The following ANKRD18B variants were observed in gnomAD, a reference collection of about 807,000 sequenced individuals.
ANKRD18B encodes the protein ankyrin repeat domain 18B, also known as ankyrin repeat domain-containing protein 18B.
A neutral mutation model predicts 111.8 loss-of-function variants in ANKRD18B; 75 were observed. The observed-to-expected ratio is 0.67, with a 90% CI of 0.56 to 0.81. The LOEUF is 0.81. Ranked by LOEUF, ANKRD18B falls within the 40% of genes least tolerant of loss-of-function variation. ANKRD18B has a pLI of 0.00. For missense variants in ANKRD18B, 1,038 were observed against 1,225.5 expected (o/e 0.85, Z 2.28); for synonymous variants, 356 against 417.3 (o/e 0.85, Z 1.79).
intron 17 of ANKRD18B, among the ~76,000 whole-genome samples, chr9:33,570,464 A>AG (rs995219118): frequency 1.3e-4 from 19 of 151,768 alleles, no homozygotes; most frequent in Admixed American, 6.6e-5. Flanking sequence ...TAGAAAAAAA[A>AG]AAAGAAAACT....
intron 14 of ANKRD18B, among the ~76,000 whole-genome samples, chr9:33,562,039 C>T (rs572172956): frequency 6.6e-6 from 1 of 152,050 alleles, no homozygotes; most frequent in South Asian, 2.1e-4. Context: ...CAGCTTATAC[C>T]TTACTTACTC....
chr9:33,536,587 G>T (rs1231496940), intron 5 of ANKRD18B, among the ~76,000 whole-genome samples: 2 of 152,166 alleles, frequency 1.3e-5, no homozygotes. Flanking sequence ...AATACCTATT[G>T]GTTACAGAGC....
Position 33,568,760 on chromosome 9 carries a change from C to A in ANKRD18B, c.3044C>A (p.Pro1015Gln). Residue 1015 changes from proline (P) to glutamine (Q), a missense_variant, in exon 17 of 19, where the codon CCA becomes CAA. Transcript: ENST00000684830. Reference protein sequence around the residue: ...EYFLSTLPMRPDPELPCVENL... With the variant: ...EYFLSTLPMRQDPELPCVENL... ...TTTCTCAGCACTCTTCCTATGAGGC[C>A]AGACCCAGAGTTACCTTGTGTTGAA... 1 of 1,551,420 alleles carries A rather than the reference C, an allele frequency of 6.4e-7. No homozygotes were observed. The highest frequency in any genetic ancestry group is 8.7e-7 in the Non-Finnish European group (1 of 1,146,772).
intron 4 of ANKRD18B, chr9:33,533,749 C>G (rs1180328940): frequency 9.6e-7 from 1 of 1,036,720 alleles, no homozygotes; most frequent in Non-Finnish European, 1.3e-6. Context: ...GATTCATCTT[C>G]TCTTATAGAC....
intron 10 of ANKRD18B, among the ~76,000 whole-genome samples, chr9:33,546,978 A>T (rs1317174027): frequency 6.6e-6 from 1 of 152,118 alleles, no homozygotes; most frequent in East Asian, 1.9e-4. Context: ...CCTCTATTTC[A>T]GTGAGCACCT....
At chr9:33,545,559 GGTGTTTGGCAAGT>G (rs1828343019) in intron 10 of ANKRD18B, among the ~76,000 whole-genome samples, 1 of 152,202 alleles carries the variant, frequency 6.6e-6, no homozygotes, top group Admixed American at 6.5e-5. Flanking sequence ...AAGCTTAGAA[GGTGTTTGGCAAGT>G]GTGTTTCAGG....
Position 33,544,837 on chromosome 9 carries a change from C to CA in ANKRD18B, c.1149+1592dup, listed in dbSNP as rs947953415. Among the ~76,000 whole-genome samples the CA allele has an allele frequency of 5.0e-4, 75 of 149,034 alleles. No individual in the cohort carries two copies. The South Asian group carries it at 5.1e-3, about 10-fold the overall frequency. ...GGGCAACAAGAGTGAAAGTCCATCT[C>CA]AAAAAAAAAATTCATTACAAAAAAG... On this transcript the variant is annotated intron_variant, in intron 10 of 18. Coordinates refer to ENST00000684830, the MANE Select transcript of ANKRD18B (RefSeq NM_001393611.1).
At chr9:33,528,907 T>C in intron 2 of ANKRD18B, 66 bp downstream of exon 2, 4 of 1,561,586 alleles carry the variant, frequency 2.6e-6, no homozygotes, top group Non-Finnish European at 3.5e-6. Context: ...AATGAATTTG[T>C]CTCATTTAAA....
At chr9:33,551,036 C>A (rs1367021670) in intron 12 of ANKRD18B, among the ~76,000 whole-genome samples, 1 of 152,116 alleles carries the variant, frequency 6.6e-6, no homozygotes, top group Non-Finnish European at 1.5e-5. Flanking sequence ...TACAGAAAGG[C>A]CATCATACTG....
rs758035683 is a variant in ANKRD18B, at chr9:33,548,738, C to T, written c.1950C>T (p.Asp650=). 5 of 1,550,618 alleles carry T rather than the reference C, an allele frequency of 3.2e-6. No individual in the cohort carries two copies. The highest frequency in any genetic ancestry group is 1.4e-5 in the African/African-American group (1 of 72,890). ...AGATAGTCATTAATATCCACAGAGA[C>T]TGTCTTGAGAATGGAAAGGAAGATC... ...NKEIVINIHR[D]CLENGKEDLL... is the part of the protein sequence containing the mutation. Residue 650 remains aspartate (D), a synonymous_variant, in exon 11 of 19, where the codon GAC becomes GAT. Transcript: ENST00000684830.
intron 12 of ANKRD18B, among the ~76,000 whole-genome samples, chr9:33,554,947 C>A (rs559752515): frequency 1.3e-5 from 2 of 149,616 alleles, no homozygotes; most frequent in South Asian, 4.4e-4. Flanking sequence ...GCCAAGCAAC[C>A]CAGATGTCTG....
intron 17 of ANKRD18B, among the ~76,000 whole-genome samples, chr9:33,570,168 A>C (rs1425598992): frequency 1.3e-5 from 2 of 152,230 alleles, no homozygotes; most frequent in African/African-American, 2.4e-5. Flanking sequence ...ATACAGCTGG[A>C]ATCCACTATC....
intron 6 of ANKRD18B, among the ~76,000 whole-genome samples, chr9:33,537,327 T>C (rs1828216189): frequency 6.6e-6 from 1 of 152,080 alleles, no homozygotes; most frequent in Admixed American, 6.5e-5. Flanking sequence ...AGATTACATA[T>C]TTTTAATCAT....
At chr9:33,539,209 C>T in intron 6 of ANKRD18B, among the ~76,000 whole-genome samples, 1 of 152,044 alleles carries the variant, frequency 6.6e-6, no homozygotes, top group Non-Finnish European at 1.5e-5. Flanking sequence ...TATTTACTAC[C>T]TGAAATAGTG....
intron 6 of ANKRD18B, 122 bp from the exon 7 acceptor site, chr9:33,539,327 T>C (rs569848532): frequency 6.3e-6 from 1 of 159,870 alleles, no homozygotes; most frequent in East Asian, 1.9e-4. Flanking sequence ...ATGAATGCAG[T>C]CTTCTAAAAT....
intron 1 of ANKRD18B, among the ~76,000 whole-genome samples, chr9:33,525,021 C>T (rs1346042047): frequency 1.3e-5 from 2 of 151,808 alleles, no homozygotes; most frequent in African/African-American, 4.9e-5. Context: ...AACCCTGTGT[C>T]GGTTTTACAT....
chr9:33,549,858 G>C (rs10909570), intron 11 of ANKRD18B, among the ~76,000 whole-genome samples: 4 of 152,118 alleles, frequency 2.6e-5, no homozygotes, highest in African/African-American at 9.7e-5. Flanking sequence ...TGGGTAATTA[G>C]CTCATAATTT....
downstream of ANKRD18B, chr9:33,574,337 T>A (rs1828828166): frequency 6.2e-6 from 1 of 161,822 alleles, no homozygotes; most frequent in Non-Finnish European, 1.3e-5. Flanking sequence ...AGTAGGAACC[T>A]GGCCAGTTAG....
chr9:33,528,691 C>T, intron 1 of ANKRD18B, 36 bp from the exon 2 acceptor site: 2 of 1,502,788 alleles, frequency 1.3e-6, no homozygotes, highest in African/African-American at 1.4e-5. Flanking sequence ...TGAGATATTG[C>T]ACTACATTTC....
Sources: allele counts gnomAD v4.1 joint callset (sites outside exome capture counted in the v4.1 genomes callset), GRCh38; gene constraint gnomAD v4.1.1; transcripts MANE v1.5; gene names NCBI Gene and HGNC (gene_info 2026-07-23, HGNC 2026-07-21).